MRPS31: variants seen among roughly 807,000 people sequenced by gnomAD.
The protein encoded by MRPS31 is small ribosomal subunit protein mS31.
A neutral mutation model predicts 43.1 loss-of-function variants in MRPS31; 32 were observed. That is an observed-to-expected ratio of 0.74 (90% confidence interval 0.56 to 1.00). The LOEUF (loss-of-function observed/expected upper bound fraction) is 1.00, where lower values mean the gene tolerates loss of function less well. MRPS31 is among the 50% of genes least tolerant of loss of function. The pLI is 0.00. For synonymous variants in MRPS31, 165 were observed against 161.6 expected (o/e 1.02, Z -0.16); for missense variants, 437 against 466.7 (o/e 0.94, Z 0.59).
rs1304770587 is a variant in MRPS31 at position 40,758,994 on chromosome 13, C to T, written c.553G>A (p.Glu185Lys). 1.2e-6 allele frequency: 2 copies of T among 1,608,764 alleles called. No individual in the cohort carries two copies. The highest frequency in any genetic ancestry group is 1.7e-6 in the Non-Finnish European group (2 of 1,178,408). The change falls in exon 3 of 7, where the codon GAG becomes AAG. Residue 185 changes from glutamate (E) to lysine (K), a missense_variant. By Grantham distance (56) the Glu-to-Lys change is moderately conservative. Coordinates refer to ENST00000323563, the MANE Select transcript of MRPS31 (RefSeq NM_005830.4). ...TCTCTCTGTGCCCTTGACTCTTCCT[C>T]ATGCTGCTGGAGCTGGCTCAGCAGC... is the stretch of plus-strand genomic sequence containing the variant. ...SELLSQLQQH[E>K]EESRAQRDAK...
At chr13:40,734,878 G>C (rs938767196) in intron 6 of MRPS31, among the ~76,000 whole-genome samples, 3 of 152,150 alleles carry the variant, frequency 2.0e-5, no homozygotes, top group Admixed American at 6.6e-5. Context: ...TCTGGGTGAC[G>C]GAGTGAGACC....
At chr13:40,733,959 C>CAAAAA in intron 6 of MRPS31, among the ~76,000 whole-genome samples, 1 of 56,664 alleles carries the variant, frequency 1.8e-5, no homozygotes, top group South Asian at 7.8e-4. Context: ...GACTCTGACT[C>CAAAAA]AAAAAAAAAA....
intron 1 of MRPS31, among the ~76,000 whole-genome samples, chr13:40,767,517 A>G (rs1880885417): frequency 6.6e-6 from 1 of 152,244 alleles, no homozygotes; most frequent in African/African-American, 2.4e-5. Flanking sequence ...TTTTGCAGAT[A>G]AGGAAACTGA....
At position 40,729,384 on chromosome 13, in the gene MRPS31, T is replaced by A. The variant is rs1355407901; in HGVS notation, c.1176A>T (p.Ile392=). ...EKKDILKESN[I]QFN is the part of the protein sequence containing the mutation. ...AATTTCCATGGTCTTAATTGAACTGTATGTTACTTTCTTTTAGAATATCCT... is the reference window on the plus strand; with the variant it reads ...AATTTCCATGGTCTTAATTGAACTGAATGTTACTTTCTTTTAGAATATCCT... The change falls in exon 7 of 7, where the codon ATA becomes ATT. Residue 392 remains isoleucine, a synonymous_variant. Coordinates refer to ENST00000323563, the MANE Select transcript of MRPS31 (RefSeq NM_005830.4). 2.0e-6 allele frequency: 3 copies of A among 1,477,088 alleles called. No homozygotes were observed. The highest frequency in any genetic ancestry group is 2.8e-6 in the Non-Finnish European group (3 of 1,072,588). The allele number at this position is 1,477,088 out of a possible 1,614,324, so 91.5% of individuals were successfully genotyped here. A position where few individuals can be genotyped will look rare whatever the true frequency, so the allele number is the denominator to read the frequency against.
chr13:40,747,868 C>G (rs115712627), intron 6 of MRPS31, among the ~76,000 whole-genome samples: 2,639 of 152,112 alleles, frequency 0.017, 82 homozygotes, highest in African/African-American at 0.058. Flanking sequence ...TACGAATATA[C>G]AAAATATTAA....
At chr13:40,750,054 T>C (rs779185036) in intron 5 of MRPS31, among the ~76,000 whole-genome samples, 6 of 152,200 alleles carry the variant, frequency 3.9e-5, no homozygotes, top group Non-Finnish European at 7.4e-5. Flanking sequence ...TACAAAGACT[T>C]GTACACAAAA....
intron 6 of MRPS31, among the ~76,000 whole-genome samples, chr13:40,735,377 C>A (rs1187614625): frequency 7.2e-5 from 11 of 152,232 alleles, no homozygotes; most frequent in African/African-American, 9.6e-5. Context: ...ATTGCCCAGG[C>A]TTGCTTAGGT....
chr13:40,734,994 G>T (rs1879837800), intron 6 of MRPS31, among the ~76,000 whole-genome samples: 1 of 152,200 alleles, frequency 6.6e-6, no homozygotes, highest in Non-Finnish European at 1.5e-5. Context: ...CAGAAGACGG[G>T]TGATTTCTGC....
intron 6 of MRPS31, among the ~76,000 whole-genome samples, chr13:40,731,574 TC>T (rs1879700433): frequency 7.0e-6 from 1 of 143,824 alleles, no homozygotes; most frequent in Non-Finnish European, 1.5e-5. Context: ...AAAGTGAGAC[TC>T]TGTCCAAAAA....
rs112193678 is a variant in MRPS31, at chr13:40,730,600, G to A, written c.959-999C>T. Among the ~76,000 whole-genome samples the A allele has an allele frequency of 3.2e-3, 491 of 152,080 alleles. 5 individuals carry two copies. Among genetic ancestry groups the A allele is most frequent in the African/African-American group, 0.011 (464 of 41,482 alleles). ...TTTGAGATAGAGTTTCACTCTTGTC[G>A]CCCAGGCTGGAGTGCAATGGTGCAA... On this transcript the variant is annotated intron_variant, in intron 6 of 6. Coordinates refer to ENST00000323563, the MANE Select transcript of MRPS31 (RefSeq NM_005830.4).
intron 2 of MRPS31, among the ~76,000 whole-genome samples, chr13:40,763,910 A>G (rs1880771309): frequency 6.6e-6 from 1 of 152,208 alleles, no homozygotes; most frequent in Non-Finnish European, 1.5e-5. Flanking sequence ...GTACTGGCCA[A>G]GAGCCCTAGC....
At chr13:40,741,969 A>C (rs1880111464) in intron 6 of MRPS31, among the ~76,000 whole-genome samples, 1 of 151,826 alleles carries the variant, frequency 6.6e-6, no homozygotes, top group Admixed American at 6.6e-5. Context: ...GCTCCCATAC[A>C]AGTCAAATAA....
At chr13:40,745,906 C>G (rs1854733800) in intron 6 of MRPS31, among the ~76,000 whole-genome samples, 1 of 152,126 alleles carries the variant, frequency 6.6e-6, no homozygotes. Context: ...AGTGCCAAGT[C>G]TAAGTGAGAA....
chr13:40,750,849 G>C (rs886485132), intron 5 of MRPS31, among the ~76,000 whole-genome samples: 2 of 149,264 alleles, frequency 1.3e-5, no homozygotes, highest in African/African-American at 5.0e-5. Flanking sequence ...AAATACTATA[G>C]TGACAAATAT....
At chr13:40,735,599 G>C (rs1465733430) in intron 6 of MRPS31, among the ~76,000 whole-genome samples, 18 of 152,054 alleles carry the variant, frequency 1.2e-4, no homozygotes, top group Admixed American at 3.3e-4. Context: ...CGGGCAGACT[G>C]CCTCCTCAAG....
chr13:40,766,696 A>C, intron 2 of MRPS31, 50 bp downstream of exon 2: 4 of 1,514,052 alleles, frequency 2.6e-6, no homozygotes, highest in Non-Finnish European at 3.5e-6. Flanking sequence ...TTACCAAAAC[A>C]AAAAGCTTAC....
At chr13:40,748,465 C>A (rs1466403021) in intron 6 of MRPS31, among the ~76,000 whole-genome samples, 1 of 152,226 alleles carries the variant, frequency 6.6e-6, no homozygotes, top group African/African-American at 2.4e-5. Flanking sequence ...TAAATCTTTT[C>A]TAATTCAAAA....
At chr13:40,739,210 A>G (rs1335821468) in intron 6 of MRPS31, among the ~76,000 whole-genome samples, 1 of 152,144 alleles carries the variant, frequency 6.6e-6, no homozygotes, top group Non-Finnish European at 1.5e-5. Flanking sequence ...AGAATAAAAT[A>G]CCTAGGAATC....
intron 2 of MRPS31, among the ~76,000 whole-genome samples, chr13:40,759,377 G>A (rs2138013338): frequency 6.6e-6 from 1 of 152,226 alleles, no homozygotes; most frequent in Non-Finnish European, 1.5e-5. Context: ...GGTGGAGGCT[G>A]CAGTGAACCA....
Sources: allele counts gnomAD v4.1 joint callset (sites outside exome capture counted in the v4.1 genomes callset), GRCh38; gene constraint gnomAD v4.1.1; transcripts MANE v1.5; gene names NCBI Gene and HGNC (gene_info 2026-07-23, HGNC 2026-07-21).